Variants in ABHD6 observed in about 807,000 individuals in gnomAD.
ABHD6 encodes monoacylglycerol lipase ABHD6.
Under a neutral mutation model 38.8 loss-of-function variants are expected in ABHD6, and 33 were observed. The observed-to-expected ratio is 0.85, with a 90% CI of 0.64 to 1.14. ABHD6 has a LOEUF of 1.14. Among genes scored for constraint, ABHD6 ranks in the 50% most tolerant of loss-of-function variants. The pLI is 0.00. For synonymous variants in ABHD6, 147 were observed against 161.6 expected, an observed-to-expected ratio of 0.91 and a Z score of 0.69; for missense variants, 380 against 422.6, an observed-to-expected ratio of 0.90 and a Z score of 0.88.
At position 58,261,920 on chromosome 3, in the gene ABHD6, G is replaced by A. The variant is rs142514004; in HGVS notation, c.119+5215G>A. 3.2e-3 allele frequency among the ~76,000 whole-genome samples: 487 copies of A among 152,194 alleles called. 3 individuals are homozygous for A. The highest frequency in any genetic ancestry group is 0.011 in the African/African-American group (465 of 41,508). On this transcript the variant is annotated intron_variant, in intron 3 of 9. Coordinates refer to ENST00000478253, the MANE Select transcript of ABHD6 (RefSeq NM_001320126.2). ...CCATAGCAGCATTCTTTGCAATAGC[G>A]AAAAGATAGAAATAACCTAAATGTC... is the stretch of plus-strand genomic sequence containing the variant.
At chr3:58,290,079 CG>C (rs1386246788) in intron 9 of ABHD6, among the ~76,000 whole-genome samples, 1 of 125,366 alleles carries the variant, frequency 8.0e-6, no homozygotes, top group Admixed American at 7.4e-5. Flanking sequence ...GGCGGCTGGC[CG>C]GGCAGAGAGG....
intron 9 of ABHD6, among the ~76,000 whole-genome samples, chr3:58,289,053 G>GTTGT (rs987470234): frequency 1.3e-5 from 2 of 151,818 alleles, no homozygotes; most frequent in East Asian, 1.9e-4. Context: ...GGGCAGGGGG[G>GTTGT]TTGTTTGTTT....
rs202153971 is a variant in ABHD6, at chr3:58,285,043, G to A, written c.682-42G>A. The A allele has an allele frequency of 2.9e-5, 46 of 1,592,614 alleles. 1 individual carries two copies. In the African/African-American group the frequency reaches 4.2e-4, roughly 14 times the overall value. On this transcript the variant is annotated intron_variant, in intron 7 of 9. Coordinates refer to ENST00000478253, the MANE Select transcript of ABHD6 (RefSeq NM_001320126.2). This position sits in a 1 kb window ranked among gnomAD's most constrained non-coding sequence, Gnocchi z 4.9. ...AGAGCTGTGAGAGGCCTGAGGAAATGAATCTTCTCTTGCTCTCTAACTTTG... is the reference window on the plus strand; with the variant it reads ...AGAGCTGTGAGAGGCCTGAGGAAATAAATCTTCTCTTGCTCTCTAACTTTG...
At position 58,251,325 on chromosome 3, in the gene ABHD6, AAAG is replaced by A. The variant is rs2097429777; in HGVS notation, c.-26+1386_-26+1388del. Reference sequence around the variant, plus strand: ...GAGCGAGACTCCATCTAAAAAAAAAAAAGAAAGAAAAAAAGACAGAAATCAGTA... The same window carrying A: ...GAGCGAGACTCCATCTAAAAAAAAAAAAAGAAAAAAAGACAGAAATCAGTA... On this transcript the variant is annotated intron_variant, in intron 2 of 9. Transcript: ENST00000478253. The surrounding 1 kb of genome is among the most constrained non-coding windows in gnomAD (Gnocchi z 5.4). 6.6e-6 allele frequency among the ~76,000 whole-genome samples: 1 copy of A among 151,802 alleles called. No individual in the cohort carries two copies. The highest frequency in any genetic ancestry group is 1.5e-5 in the Non-Finnish European group (1 of 67,960).
chr3:58,239,521 T>C (rs2097421387), intron 1 of ABHD6, among the ~76,000 whole-genome samples: 1 of 152,246 alleles, frequency 6.6e-6, no homozygotes, highest in Admixed American at 6.5e-5. Context: ...TTCATCTTTT[T>C]ATTATTTTTA....
At position 58,257,890 on chromosome 3, in the gene ABHD6, G is replaced by C. The variant is rs1559773987; in HGVS notation, c.119+1185G>C. Among the ~76,000 whole-genome samples, 1 of 152,034 alleles carries C rather than the reference G, an allele frequency of 6.6e-6. No homozygotes were observed. The highest frequency in any genetic ancestry group is 1.5e-5 in the Non-Finnish European group (1 of 68,022). Reference sequence around the variant, plus strand: ...TTCTTGTCCTATCTGGATACCACCTGTCCTTTTATTTTGTATTTCCTTTAG... The same window carrying C: ...TTCTTGTCCTATCTGGATACCACCTCTCCTTTTATTTTGTATTTCCTTTAG... On this transcript the variant is annotated intron_variant, in intron 3 of 9. Coordinates refer to ENST00000478253, the MANE Select transcript of ABHD6 (RefSeq NM_001320126.2). This position sits in a 1 kb window ranked among gnomAD's most constrained non-coding sequence, Gnocchi z 4.8.
chr3:58,271,773 T>TTTTTTG, intron 6 of ABHD6, among the ~76,000 whole-genome samples: 1 of 133,672 alleles, frequency 7.5e-6, no homozygotes, highest in Non-Finnish European at 1.6e-5. Context: ...TCTGTTTTTT[T>TTTTTTG]TTTTTTTTTT....
rs914263966 is a variant in ABHD6, at chr3:58,259,922, C to T, written c.119+3217C>T. Among the ~76,000 whole-genome samples the T allele has an allele frequency of 2.6e-5, 4 of 152,168 alleles. No individual in the cohort carries two copies. The highest frequency in any genetic ancestry group is 5.9e-5 in the Non-Finnish European group (4 of 68,048). ...AGATGTGCCCATTACGGACATTTCA[C>T]GTAAACGGGGTTATACATGTGTGAC... On this transcript the variant is annotated intron_variant, in intron 3 of 9. Transcript: ENST00000478253. The surrounding 1 kb of genome is among the most constrained non-coding windows in gnomAD (Gnocchi z 4.7).
intron 9 of ABHD6, among the ~76,000 whole-genome samples, chr3:58,289,545 T>C (rs1575533641): frequency 6.6e-6 from 1 of 151,702 alleles, no homozygotes; most frequent in East Asian, 1.9e-4. Context: ...GAGCACAGGG[T>C]TGCGGGGTAA....
intron 2 of ABHD6, among the ~76,000 whole-genome samples, chr3:58,254,621 T>A (rs1052382094): frequency 2.0e-5 from 3 of 152,104 alleles, no homozygotes; most frequent in African/African-American, 7.2e-5. Context: ...AGGCCATGAT[T>A]TGCTAGATGT....
chr3:58,289,995 ACCCCCCCACCTCCCTCCCGGACGG>A (rs2097460696), intron 9 of ABHD6, among the ~76,000 whole-genome samples: 2 of 106,170 alleles, frequency 1.9e-5, no homozygotes, highest in South Asian at 6.8e-4. Flanking sequence ...CGGGGGGCTG[ACCCCCCCACCTCCCTCCCGGACGG>A]GGCGGCTGGC....
At chr3:58,240,091 G>T (rs995666570) in intron 1 of ABHD6, among the ~76,000 whole-genome samples, 2 of 151,880 alleles carry the variant, frequency 1.3e-5, no homozygotes, top group African/African-American at 4.8e-5. Context: ...GGTCAAGGCT[G>T]CAGTGAGCTG....
intron 9 of ABHD6, among the ~76,000 whole-genome samples, chr3:58,289,821 G>A (rs2097460334): frequency 6.6e-6 from 1 of 151,034 alleles, no homozygotes; most frequent in Admixed American, 6.6e-5. Flanking sequence ...GCCAGGCAGA[G>A]GCGCCCCTCA....
At chr3:58,253,996 G>T (rs970648005) in intron 2 of ABHD6, among the ~76,000 whole-genome samples, 4 of 152,226 alleles carry the variant, frequency 2.6e-5, no homozygotes, top group Admixed American at 1.3e-4. Flanking sequence ...AAGATGGAGA[G>T]CTCATATCTT....
At chr3:58,248,273 C>G (rs908210975) in intron 1 of ABHD6, among the ~76,000 whole-genome samples, 1 of 152,214 alleles carries the variant, frequency 6.6e-6, no homozygotes, top group African/African-American at 2.4e-5. Flanking sequence ...TCATCATTTA[C>G]TTAACTATAA....
intron 7 of ABHD6, 52 bp downstream of exon 7, chr3:58,274,867 G>A (rs746587455): frequency 7.0e-6 from 11 of 1,580,380 alleles, no homozygotes; most frequent in East Asian, 2.2e-5. Flanking sequence ...GCCCGGGGGC[G>A]AGTACCAGCT....
intron 3 of ABHD6, among the ~76,000 whole-genome samples, chr3:58,261,561 C>T (rs753407704): frequency 2.6e-5 from 4 of 152,118 alleles, no homozygotes; most frequent in Non-Finnish European, 4.4e-5. Context: ...TTTGTAGAGA[C>T]AGGCTCAAAC....
intron 9 of ABHD6, among the ~76,000 whole-genome samples, chr3:58,290,732 T>C (rs1054431709): frequency 6.7e-5 from 10 of 149,892 alleles, no homozygotes; most frequent in Non-Finnish European, 1.0e-4. Context: ...GCTCCTCACA[T>C]CCCAGACGGG....
intron 9 of ABHD6, among the ~76,000 whole-genome samples, chr3:58,289,985 C>CG (rs1263804390): frequency 1.4e-5 from 2 of 140,648 alleles, no homozygotes; most frequent in African/African-American, 5.6e-5. Flanking sequence ...GCTGGCCGGG[C>CG]GGGGGGCTGA....
Sources: allele counts gnomAD v4.1 joint callset (sites outside exome capture counted in the v4.1 genomes callset), GRCh38; gene constraint gnomAD v4.1.1; non-coding constraint Gnocchi (gnomAD v3.1); transcripts MANE v1.5; gene names NCBI Gene and HGNC (gene_info 2026-07-23, HGNC 2026-07-21).